The following ABI3BP variants were observed in gnomAD, a reference collection of about 807,000 sequenced individuals.
ABI3BP encodes the protein ABI family member 3 binding protein.
ABI3BP carries 216 observed loss-of-function variants against 268.6 expected under a neutral mutation model. That is an observed-to-expected ratio of 0.80 (90% CI 0.72 to 0.90). ABI3BP has a LOEUF of 0.90. ABI3BP is among the 40% of genes least tolerant of loss of function. The pLI is 0.00. For missense variants in ABI3BP, 2,090 were observed against 2,182.4 expected, an observed-to-expected ratio of 0.96 and a Z score of 0.84; for synonymous variants, 730 against 730.0, an observed-to-expected ratio of 1.00 and a Z score of 0.00.
intron 6 of ABI3BP, among the ~76,000 whole-genome samples, chr3:100,884,113 C>T (rs1393827215): frequency 1.3e-5 from 2 of 151,896 alleles, no homozygotes; most frequent in African/African-American, 4.8e-5. Context: ...TAAAGTTTTA[C>T]CAGACTATTA....
At chr3:100,766,124 T>C (rs927906473) in intron 62 of ABI3BP, among the ~76,000 whole-genome samples, 175 bp from the exon 63 acceptor site, 12 of 152,252 alleles carry the variant, frequency 7.9e-5, no homozygotes, top group African/African-American at 2.7e-4. Context: ...GGTCAGCAGA[T>C]GAAGGCTCCA....
At position 100,789,437 on chromosome 3, in the gene ABI3BP, T is replaced by A. The variant is rs2097139349; in HGVS notation, c.4087+17A>T. 14 of 1,591,940 alleles carry A rather than the reference T, an allele frequency of 8.8e-6. No homozygotes were observed. The highest frequency in any genetic ancestry group is 1.2e-5 in the Non-Finnish European group (14 of 1,168,120). Reference sequence around the variant, plus strand: ...CCCTGCCTGCTGATTATTTAAGTCATCAGAGAAACAACTTACCAGGTCTGA... The same window carrying A: ...CCCTGCCTGCTGATTATTTAAGTCAACAGAGAAACAACTTACCAGGTCTGA... On this transcript the variant is annotated intron_variant, in intron 56 of 67. Coordinates refer to ENST00000471714, the MANE Select transcript of ABI3BP (RefSeq NM_001375547.2).
intron 1 of ABI3BP, among the ~76,000 whole-genome samples, chr3:100,937,958 T>C (rs920964293): frequency 1.3e-5 from 2 of 152,016 alleles, no homozygotes; most frequent in African/African-American, 4.8e-5. Flanking sequence ...ATATACAAAC[T>C]ATAATCTTAA....
chr3:100,964,099 C>A (rs1194318898), intron 1 of ABI3BP, among the ~76,000 whole-genome samples: 1 of 152,064 alleles, frequency 6.6e-6, no homozygotes, highest in Non-Finnish European at 1.5e-5. Context: ...TGAGAAGCAG[C>A]CCCAAGTCGT....
chr3:100,914,833 C>G (rs2058052489), intron 2 of ABI3BP, among the ~76,000 whole-genome samples: 1 of 152,160 alleles, frequency 6.6e-6, no homozygotes, highest in Admixed American at 6.5e-5. Context: ...AAAAGACACA[C>G]TTTTTCTAAA....
chr3:100,798,846 T>C lies in ABI3BP; in HGVS notation c.3758-2378A>G, dbSNP rs771452756. Among the ~76,000 whole-genome samples the C allele has an allele frequency of 2.2e-4, 33 of 152,192 alleles. 1 individual carries two copies. The highest frequency in any genetic ancestry group is 4.0e-4 in the Non-Finnish European group (27 of 68,030). ...GATTCTCTTAAAAAAGTAAGACATA[T>C]AGACTACATACCATATTCTATTCCT... is the stretch of plus-strand genomic sequence containing the variant. On this transcript the variant is annotated intron_variant, in intron 51 of 67. Transcript: ENST00000471714.
At chr3:100,897,166 G>A (rs1466008338) in intron 4 of ABI3BP, among the ~76,000 whole-genome samples, 3 of 152,210 alleles carry the variant, frequency 2.0e-5, no homozygotes, top group Non-Finnish European at 4.4e-5. Context: ...TACTACACTA[G>A]AATGGCTAAA....
intron 1 of ABI3BP, among the ~76,000 whole-genome samples, chr3:100,947,197 A>G (rs190130172): frequency 1.5e-4 from 23 of 152,284 alleles, no homozygotes; most frequent in Non-Finnish European, 7.4e-5. Context: ...CATTAATAAC[A>G]TCTCTGATGG....
Position 100,833,172 on chromosome 3 carries a change from G to A in ABI3BP, c.2282-15C>T. 1 of 1,532,064 alleles carries A rather than the reference G, an allele frequency of 6.5e-7. No individual in the cohort carries two copies. The highest frequency in any genetic ancestry group is 8.7e-7 in the Non-Finnish European group (1 of 1,143,912). The allele number at this position is 1,532,064 out of a possible 1,614,324, so 94.9% of individuals were successfully genotyped here. A position where few individuals can be genotyped will look rare whatever the true frequency, so the allele number is the denominator to read the frequency against. On this transcript the variant is annotated splice_polypyrimidine_tract_variant and intron_variant, in intron 29 of 67. Coordinates refer to ENST00000471714, the MANE Select transcript of ABI3BP (RefSeq NM_001375547.2). ...AGGTCCAAAGTCTGTAGCAAGAAAT[G>A]ATCAAAAGCAATTTTAAAAAGAAAT...
intron 31 of ABI3BP, among the ~76,000 whole-genome samples, chr3:100,830,858 G>A (rs745695111): frequency 3.3e-5 from 5 of 152,166 alleles, no homozygotes; most frequent in Admixed American, 1.3e-4. Flanking sequence ...TTTGGACTTC[G>A]CTGAGCATCT....
At position 100,832,322 on chromosome 3, in the gene ABI3BP, A is replaced by T. The variant is rs2098507099; in HGVS notation, c.2343T>A (p.Arg781=). The T allele has an allele frequency of 2.0e-6, 3 of 1,535,208 alleles. No homozygotes were observed. The highest frequency in any genetic ancestry group is 8.7e-7 in the Non-Finnish European group (1 of 1,146,518). ...SAPTTTTKRT[R]RPHPKPKTTP... Reference sequence around the variant, plus strand: ...TGGTTTTAGGTTTGGGATGTGGACGACGGGTTCTTTTTGTTGTTGTTGTTG... The same window carrying T: ...TGGTTTTAGGTTTGGGATGTGGACGTCGGGTTCTTTTTGTTGTTGTTGTTG... The change falls in exon 31 of 68, where the codon CGT becomes CGA. Residue 781 remains arginine (R), a synonymous_variant. Coordinates refer to ENST00000471714, the MANE Select transcript of ABI3BP (RefSeq NM_001375547.2).
At chr3:100,783,607 G>T (rs2096933736) in intron 57 of ABI3BP, among the ~76,000 whole-genome samples, 1 of 152,102 alleles carries the variant, frequency 6.6e-6, no homozygotes, top group African/African-American at 2.4e-5. Context: ...AGACTGTTTT[G>T]CCCACAGAGT....
chr3:100,905,009 C>T (rs1226798811), intron 2 of ABI3BP, among the ~76,000 whole-genome samples: 1 of 152,158 alleles, frequency 6.6e-6, no homozygotes, highest in Non-Finnish European at 1.5e-5. Flanking sequence ...TTGGCACCAA[C>T]CCAAATGTCC....
chr3:100,946,112 T>TCATGGTG (rs1283389771), intron 1 of ABI3BP, among the ~76,000 whole-genome samples: 27 of 152,128 alleles, frequency 1.8e-4, no homozygotes, highest in Non-Finnish European at 3.2e-4. Flanking sequence ...GGCTCATGCC[T>TCATGGTG]GCAATCCCAG....
chr3:100,763,514 C>A (rs2149617418), intron 63 of ABI3BP, among the ~76,000 whole-genome samples: 1 of 151,680 alleles, frequency 6.6e-6, no homozygotes, highest in African/African-American at 2.4e-5. Context: ...CTCCTCTGGG[C>A]TTTGCTAGTC....
chr3:100,866,082 G>A (rs78643197), intron 10 of ABI3BP, among the ~76,000 whole-genome samples: 2,529 of 152,222 alleles, frequency 0.017, 74 homozygotes, highest in African/African-American at 0.057. Context: ...GACCAGTTAC[G>A]AGTCCAGAAG....
intron 1 of ABI3BP, among the ~76,000 whole-genome samples, chr3:100,959,861 A>G (rs923450731): frequency 1.3e-5 from 2 of 152,254 alleles, no homozygotes; most frequent in Non-Finnish European, 2.9e-5. Context: ...AAGGCCTAAC[A>G]AAAGAAAATG....
intron 63 of ABI3BP, among the ~76,000 whole-genome samples, chr3:100,760,603 A>G (rs2095880540): frequency 2.0e-5 from 3 of 152,184 alleles, no homozygotes; most frequent in African/African-American, 7.2e-5. Flanking sequence ...CATGGCTTTG[A>G]ATATCACAGA....
At chr3:100,949,401 G>T (rs1247050647) in intron 1 of ABI3BP, among the ~76,000 whole-genome samples, 2 of 152,090 alleles carry the variant, frequency 1.3e-5, no homozygotes, top group African/African-American at 4.8e-5. Context: ...GACTACAGGT[G>T]TACAACACCA....
Sources: gnomAD v4.1 joint callset for allele counts (sites outside exome capture counted in the v4.1 genomes callset) on GRCh38, gnomAD v4.1.1 for gene constraint, MANE v1.5 for transcripts, NCBI Gene and HGNC (gene_info 2026-07-23, HGNC 2026-07-21) for gene names.